The following GOLGA8B variants were observed in gnomAD, a reference collection of about 807,000 sequenced individuals.
GOLGA8B encodes golgin subfamily A member 8B.
A neutral mutation model predicts 15.6 loss-of-function variants in GOLGA8B; 1 was observed. The observed-to-expected ratio is 0.06, with a 90% CI of 0.02 to 0.30. GOLGA8B has a LOEUF of 0.30. Ranked by LOEUF, GOLGA8B falls within the 10% of genes least tolerant of loss-of-function variation. The pLI, the probability that GOLGA8B is intolerant of heterozygous loss-of-function variation, is 1.00. For missense variants in GOLGA8B, 17 were observed against 201.3 expected, an observed-to-expected ratio of 0.08 and a Z score of 5.54; for synonymous variants, 9 against 80.3, an observed-to-expected ratio of 0.11 and a Z score of 4.75.
At chr15:34,580,865 G>A (rs1210682094) in intron 1 of GOLGA8B, among the ~76,000 whole-genome samples, 2 of 152,192 alleles carry the variant, frequency 1.3e-5, no homozygotes, top group Non-Finnish European at 2.9e-5. Flanking sequence ...GGTCATCAGT[G>A]GCTACCTTAC....
chr15:34,574,053 G>A (rs1888999115), intron 1 of GOLGA8B, among the ~76,000 whole-genome samples: 1 of 152,028 alleles, frequency 6.6e-6, no homozygotes, highest in Non-Finnish European at 1.5e-5. Context: ...CAGTGTGCTG[G>A]TGAGCAGGAC....
chr15:34,554,194 A>AAGCT, intron 1 of GOLGA8B, among the ~76,000 whole-genome samples: 1 of 149,018 alleles, frequency 6.7e-6, no homozygotes, highest in Non-Finnish European at 1.5e-5. Flanking sequence ...AGATGGGGAC[A>AAGCT]CAGCTTGTTC....
intron 1 of GOLGA8B, among the ~76,000 whole-genome samples, chr15:34,579,421 C>T (rs1422693973): frequency 6.6e-6 from 1 of 152,120 alleles, no homozygotes. Context: ...GTGCCTCCTT[C>T]CAAAGTGCAT....
intron 1 of GOLGA8B, among the ~76,000 whole-genome samples, chr15:34,572,194 C>T (rs1481063669): frequency 2.0e-5 from 3 of 152,144 alleles, no homozygotes; most frequent in Non-Finnish European, 2.9e-5. Context: ...GTGGGGACAC[C>T]GCTGCCCCAC....
In GOLGA8B at chr15:34,527,956, G is replaced by T. The variant is rs757596774; in HGVS notation, c.1575C>A (p.Ala525=). ...TGTCGGCAGCCCCGAGCTCCTGGGGGGCTGGGGCTCCTGGACTGGGTTCAG... is the reference window on the plus strand; with the variant it reads ...TGTCGGCAGCCCCGAGCTCCTGGGGTGCTGGGGCTCCTGGACTGGGTTCAG... The part of the protein sequence containing the change: ...PAAEPSPGAP[A]PQELGAADKH... The change falls in exon 23 of 24, where the codon GCC becomes GCA. Residue 525 remains alanine, a synonymous_variant. Transcript: ENST00000683415. 2 of 1,347,828 alleles carry T rather than the reference G, an allele frequency of 1.5e-6. No individual in the cohort carries two copies. Among genetic ancestry groups the T allele is most frequent in the Admixed American group, 4.7e-5 (2 of 42,284 alleles). The allele number at this position is 1,347,828 out of a possible 1,614,324, so 83.5% of individuals were successfully genotyped here. A position where few individuals can be genotyped will look rare whatever the true frequency, so the allele number is the denominator to read the frequency against.
In GOLGA8B at chr15:34,560,935, T is replaced by C. The variant is rs1473733386; in HGVS notation, c.-1122-6979A>G. 1.5e-5 allele frequency among the ~76,000 whole-genome samples: 2 copies of C among 136,766 alleles called. 1 individual carries two copies. The highest frequency in any genetic ancestry group is 5.3e-5 in the African/African-American group (2 of 37,528). The allele number at this position is 136,766 out of a possible 152,430, so 89.7% of individuals were successfully genotyped here. A position where few individuals can be genotyped will look rare whatever the true frequency, so the allele number is the denominator to read the frequency against. ...GGTATTAGAAAGGGTTGGTGAAGAT[T>C]TTCTCATTTGAGAACTGAACAAAAC... On this transcript the variant is annotated intron_variant, in intron 1 of 23. Transcript: ENST00000683415.
chr15:34,572,405 A>G (rs1235212957), intron 1 of GOLGA8B, among the ~76,000 whole-genome samples: 1 of 152,224 alleles, frequency 6.6e-6, no homozygotes, highest in African/African-American at 2.4e-5. Flanking sequence ...GAAAAACGGA[A>G]CCCAAAAGTT....
chr15:34,527,132 A>C lies in GOLGA8B; in HGVS notation c.*500T>G. 1 of 259,260 alleles carries C rather than the reference A, an allele frequency of 3.9e-6. No individual in the cohort carries two copies. The highest frequency in any genetic ancestry group is 7.4e-6 in the Non-Finnish European group (1 of 134,732). The allele number at this position is 259,260 out of a possible 1,614,324, so 16.1% of individuals were successfully genotyped here. ...ACTCATAGTGGCATATTACAAAGTA[A>C]TAAACAGTGCACACTTGAGGGCAAA... On this transcript the variant is annotated 3_prime_UTR_variant, in exon 24 of 24. Transcript: ENST00000683415.
At chr15:34,557,676 G>GTGTC (rs1555405956) in intron 1 of GOLGA8B, among the ~76,000 whole-genome samples, 7 of 107,868 alleles carry the variant, frequency 6.5e-5, no homozygotes, top group African/African-American at 2.3e-4. Context: ...GTGTGTGTGT[G>GTGTC]TGTGTGTCTG....
chr15:34,578,373 A>C (rs74007871), intron 1 of GOLGA8B, among the ~76,000 whole-genome samples: 1 of 152,228 alleles, frequency 6.6e-6, no homozygotes, highest in Non-Finnish European at 1.5e-5. Context: ...TCAGTCTCTC[A>C]GCACGTGTTG....
In GOLGA8B at chr15:34,527,778, C is replaced by G. The variant is rs753342353; in HGVS notation, c.1666G>C (p.Glu556Gln). 4 of 1,465,438 alleles carry G rather than the reference C, an allele frequency of 2.7e-6. No individual in the cohort carries two copies. Among genetic ancestry groups the G allele is most frequent in the African/African-American group, 1.8e-5 (1 of 55,074 alleles). 90.8% of individuals were successfully genotyped at this position (1,465,438 alleles called of 1,614,324 possible). A position where few individuals can be genotyped will look rare whatever the true frequency, so the allele number is the denominator to read the frequency against. The change falls in exon 24 of 24, where the codon GAG becomes CAG. Residue 556 changes from glutamate to glutamine, a missense_variant. Glu to Gln is a conservative substitution (Grantham distance 29, BLOSUM62 2). This residue lies in a region of GOLGA8B where 9 missense variants were observed against 17.4 expected (regional missense o/e 0.52). Coordinates refer to ENST00000683415, the MANE Select transcript of GOLGA8B (RefSeq NM_001023567.5). ...SVEPAQGEAR[E>Q]GSSQDNPTAQ... Reference sequence around the variant, plus strand: ...GTAGGGTTGTCCTGGGAAGAACCCTCCCTGGCTTCTCCTTGTGCAGGCTCC... The same window carrying G: ...GTAGGGTTGTCCTGGGAAGAACCCTGCCTGGCTTCTCCTTGTGCAGGCTCC...
At chr15:34,580,677 C>T (rs1242659896) in intron 1 of GOLGA8B, among the ~76,000 whole-genome samples, 2 of 151,742 alleles carry the variant, frequency 1.3e-5, no homozygotes, top group Non-Finnish European at 1.5e-5. Context: ...AGGCGGTGGG[C>T]AGCAGAGGGG....
At chr15:34,571,638 A>G (rs62006253) in intron 1 of GOLGA8B, among the ~76,000 whole-genome samples, 11 of 142,896 alleles carry the variant, frequency 7.7e-5, no homozygotes, top group Non-Finnish European at 1.5e-4. Context: ...AACTACATCC[A>G]CAAATCACAC....
chr15:34,568,987 G>A (rs1419376096), intron 1 of GOLGA8B, among the ~76,000 whole-genome samples: 2 of 149,992 alleles, frequency 1.3e-5, no homozygotes, highest in Admixed American at 6.6e-5. Context: ...TGATTCTGCA[G>A]GCATTCTACA....
chr15:34,571,957 A>T (rs893260208), intron 1 of GOLGA8B, among the ~76,000 whole-genome samples: 2 of 152,366 alleles, frequency 1.3e-5, no homozygotes, highest in African/African-American at 4.8e-5. Flanking sequence ...GAACACCTAG[A>T]AATCAACAAG....
chr15:34,574,478 AT>A (rs1449566743), intron 1 of GOLGA8B, among the ~76,000 whole-genome samples: 1 of 151,322 alleles, frequency 6.6e-6, no homozygotes, highest in Non-Finnish European at 1.5e-5. Flanking sequence ...TAATTTTTCT[AT>A]TTTTTTGTAG....
At chr15:34,573,971 C>G (rs1192673875) in intron 1 of GOLGA8B, among the ~76,000 whole-genome samples, 1 of 151,588 alleles carries the variant, frequency 6.6e-6, no homozygotes, top group East Asian at 1.9e-4. Flanking sequence ...AAGACATGTT[C>G]AAAAGAAACA....
At chr15:34,576,830 T>C (rs961051291) in intron 1 of GOLGA8B, among the ~76,000 whole-genome samples, 1 of 152,074 alleles carries the variant, frequency 6.6e-6, no homozygotes, top group Non-Finnish European at 1.5e-5. Flanking sequence ...AGGCTGGAGG[T>C]AGTGCCAAGT....
chr15:34,577,446 C>G (rs1889112088), intron 1 of GOLGA8B, among the ~76,000 whole-genome samples: 2 of 150,396 alleles, frequency 1.3e-5, no homozygotes, highest in Admixed American at 1.3e-4. Context: ...TTTAGAGCTG[C>G]CTTGCTGGAG....
Sources: allele counts gnomAD v4.1 joint callset (sites outside exome capture counted in the v4.1 genomes callset), GRCh38; gene constraint gnomAD v4.1.1; regional missense constraint gnomAD v4.1.1; transcripts MANE v1.5; gene names NCBI Gene and HGNC (gene_info 2026-07-23, HGNC 2026-07-21).